ROBO1: variants seen among roughly 807,000 people sequenced by gnomAD.
ROBO1 encodes roundabout guidance receptor 1.
ROBO1 carries 149 observed loss-of-function variants against 195.9 expected under a neutral mutation model. The observed-to-expected ratio is 0.76, with a 90% CI of 0.67 to 0.87. The LOEUF (loss-of-function observed/expected upper bound fraction) is 0.87, where lower values mean the gene tolerates loss of function less well. Among genes scored for constraint, ROBO1 ranks in the 40% least tolerant of loss-of-function variants. The pLI is 0.00. For missense variants in ROBO1, 1,933 were observed against 2,068.3 expected (o/e 0.93, Z 1.27); for synonymous variants, 816 against 733.2 (o/e 1.11, Z -1.82).
intron 2 of ROBO1, among the ~76,000 whole-genome samples, chr3:79,523,935 T>A (rs1216266862): frequency 6.6e-6 from 1 of 152,208 alleles, no homozygotes; most frequent in African/African-American, 2.4e-5. Context: ...AGCTTATGAC[T>A]GTATTTATGG....
At chr3:79,466,072 C>T (rs966720953) in intron 2 of ROBO1, among the ~76,000 whole-genome samples, 2 of 151,228 alleles carry the variant, frequency 1.3e-5, no homozygotes, top group Admixed American at 6.6e-5. Context: ...ATGTTGAGAT[C>T]CACCCCAAAC....
At chr3:79,399,822 T>C (rs1424113933) in intron 2 of ROBO1, among the ~76,000 whole-genome samples, 1 of 152,170 alleles carries the variant, frequency 6.6e-6, no homozygotes, top group Non-Finnish European at 1.5e-5. Context: ...TATATATGCA[T>C]ATAAACATAA....
intron 3 of ROBO1, among the ~76,000 whole-genome samples, chr3:79,078,276 T>C (rs891962199): frequency 8.6e-5 from 13 of 151,778 alleles, no homozygotes; most frequent in African/African-American, 3.1e-4. Context: ...GATTAAATAA[T>C]TGAGGGGCTA....
chr3:79,627,086 T>C (rs1433889365), intron 1 of ROBO1, among the ~76,000 whole-genome samples: 2 of 152,178 alleles, frequency 1.3e-5, no homozygotes, highest in South Asian at 2.1e-4. Context: ...AAGTCACTTA[T>C]AGATAGAATG....
chr3:79,415,667 G>A (rs541599329), intron 2 of ROBO1, among the ~76,000 whole-genome samples: 107 of 152,250 alleles, frequency 7.0e-4, no homozygotes, highest in African/African-American at 2.5e-3. Context: ...GCATTAAAAG[G>A]TTACTCTTCT....
intron 2 of ROBO1, among the ~76,000 whole-genome samples, chr3:79,145,720 C>T (rs1395981345): frequency 6.6e-6 from 1 of 151,950 alleles, no homozygotes; most frequent in Non-Finnish European, 1.5e-5. Flanking sequence ...ATTTAAACCA[C>T]AACCTTTTAT....
At chr3:79,715,180 T>TA (rs1702436016) in intron 1 of ROBO1, among the ~76,000 whole-genome samples, 1 of 152,074 alleles carries the variant, frequency 6.6e-6, no homozygotes, top group Non-Finnish European at 1.5e-5. Flanking sequence ...ACAAAGGATT[T>TA]AAAATATTAC....
chr3:78,926,657 G>T (rs2039236769), intron 4 of ROBO1, among the ~76,000 whole-genome samples: 1 of 152,144 alleles, frequency 6.6e-6, no homozygotes, highest in Non-Finnish European at 1.5e-5. Context: ...AGAGGTTCAG[G>T]CTGGGGATGA....
At chr3:78,931,521 C>T (rs2107649225) in intron 4 of ROBO1, among the ~76,000 whole-genome samples, 1 of 152,204 alleles carries the variant, frequency 6.6e-6, no homozygotes, top group South Asian at 2.1e-4. Flanking sequence ...GCTGGGATTA[C>T]AGGCATGAGC....
chr3:79,301,878 T>G (rs541626148), intron 2 of ROBO1, among the ~76,000 whole-genome samples: 6 of 152,088 alleles, frequency 3.9e-5, no homozygotes, highest in African/African-American at 7.2e-5. Context: ...CCTCATAAAA[T>G]CAATATAATA....
At chr3:79,569,765 G>T (rs745343163) in intron 2 of ROBO1, among the ~76,000 whole-genome samples, 1 of 151,552 alleles carries the variant, frequency 6.6e-6, no homozygotes, top group Non-Finnish European at 1.5e-5. Context: ...AATTCCTGAA[G>T]CTTTAGTTTA....
At chr3:78,885,940 T>TACATATATATAAAA (rs2036542201) in intron 4 of ROBO1, among the ~76,000 whole-genome samples, 1 of 140,808 alleles carries the variant, frequency 7.1e-6, no homozygotes, top group South Asian at 2.2e-4. Context: ...TATATATATA[T>TACATATATATAAAA]ACATACATAT....
At chr3:78,807,901 T>C (rs1179514046) in intron 4 of ROBO1, among the ~76,000 whole-genome samples, 4 of 99,604 alleles carry the variant, frequency 4.0e-5, no homozygotes, top group African/African-American at 1.6e-4. Context: ...TTATTAGCAT[T>C]AATATTGAAC....
At chr3:79,719,042 A>G (rs1258346510) in intron 1 of ROBO1, among the ~76,000 whole-genome samples, 1 of 152,086 alleles carries the variant, frequency 6.6e-6, no homozygotes, top group Non-Finnish European at 1.5e-5. Flanking sequence ...TGTGAAAAAT[A>G]AAGACATTAT....
At chr3:79,595,387 A>G (rs1232853513) in intron 1 of ROBO1, among the ~76,000 whole-genome samples, 3 of 152,078 alleles carry the variant, frequency 2.0e-5, no homozygotes, top group African/African-American at 7.2e-5. Flanking sequence ...ACATAAGAGA[A>G]CACCTACATT....
intron 2 of ROBO1, among the ~76,000 whole-genome samples, chr3:79,461,883 C>CA (rs1488289897): frequency 1.3e-5 from 2 of 151,576 alleles, no homozygotes; most frequent in Non-Finnish European, 2.9e-5. Flanking sequence ...TAAGATTTGT[C>CA]AAAAAAAGGT....
chr3:79,687,591 T>G (rs1422546905), intron 1 of ROBO1, among the ~76,000 whole-genome samples: 1 of 152,136 alleles, frequency 6.6e-6, no homozygotes, highest in Non-Finnish European at 1.5e-5. Flanking sequence ...AAAGAAGACA[T>G]TTATGCATCC....
intron 4 of ROBO1, among the ~76,000 whole-genome samples, chr3:78,774,126 C>T (rs1384400247): frequency 6.6e-6 from 1 of 152,048 alleles, no homozygotes; most frequent in African/African-American, 2.4e-5. Context: ...TGTGAAATTC[C>T]TCCAAGTCCT....
chr3:79,704,402 G>A (rs1272346235), intron 1 of ROBO1, among the ~76,000 whole-genome samples: 2 of 151,820 alleles, frequency 1.3e-5, no homozygotes, highest in Non-Finnish European at 2.9e-5. Context: ...CCATAGTTTT[G>A]ACTTTTCTAG....
Sources: allele counts gnomAD v4.1 joint callset (sites outside exome capture counted in the v4.1 genomes callset), GRCh38; gene constraint gnomAD v4.1.1; transcripts MANE v1.5; gene names NCBI Gene and HGNC (gene_info 2026-07-23, HGNC 2026-07-21).